Variants in SOCS7 observed in about 807,000 individuals in gnomAD.
SOCS7 encodes NAP-4.
SOCS7 carries 18 observed loss-of-function variants against 58.9 expected under a neutral mutation model. The ratio of observed to expected loss-of-function variants is 0.31; its 90% CI spans 0.21 to 0.45. The LOEUF (loss-of-function observed/expected upper bound fraction) is 0.45. Among genes scored for constraint, SOCS7 ranks in the 20% least tolerant of loss-of-function variants. SOCS7 has a pLI of 1.00. For missense variants in SOCS7, 667 were observed against 837.3 expected (o/e 0.80, Z 2.51); for synonymous variants, 388 against 364.3 (o/e 1.06, Z -0.74).
intron 7 of SOCS7, among the ~76,000 whole-genome samples, chr17:38,378,642 G>A (rs2037962013): frequency 6.6e-6 from 1 of 152,134 alleles, no homozygotes; most frequent in South Asian, 2.1e-4. Flanking sequence ...TTTGTATCTT[G>A]CCATCCCTAC....
chr17:38,364,602 G>A (rs1597688401), intron 2 of SOCS7, 150 bp from the exon 3 acceptor site: 1 of 627,206 alleles, frequency 1.6e-6, no homozygotes, highest in East Asian at 2.7e-5. Context: ...CTGGTGTTGG[G>A]GTGATTTCAG....
At chr17:38,379,734 T>C (rs968495457) in intron 7 of SOCS7, among the ~76,000 whole-genome samples, 1 of 152,196 alleles carries the variant, frequency 6.6e-6, no homozygotes, top group African/African-American at 2.4e-5. Flanking sequence ...GCCTCAGTGC[T>C]GTCAACACAG....
At chr17:38,376,560 T>C (rs995024009) in intron 6 of SOCS7, among the ~76,000 whole-genome samples, 3 of 151,928 alleles carry the variant, frequency 2.0e-5, no homozygotes, top group Non-Finnish European at 2.9e-5. Flanking sequence ...GGTGAAACCC[T>C]GTCTCTACTA....
chr17:38,377,952 T>C (rs917037859), intron 7 of SOCS7, 110 bp downstream of exon 7: 1 of 1,009,278 alleles, frequency 9.9e-7, no homozygotes, highest in African/African-American at 1.6e-5. Context: ...TTTCCCTGGC[T>C]GTTGGAGCCA....
In SOCS7 at chr17:38,404,958, C is replaced by G. The variant is rs1376551946; in HGVS notation, c.*5476C>G. ...TAAGAAACTCGATGAAGAGGGGTGT[C>G]ATTCTGGGCTCGGGGTGGTTGCCAA... On this transcript the variant is annotated 3_prime_UTR_variant, in exon 10 of 10. Coordinates refer to ENST00000612932, the MANE Select transcript of SOCS7 (RefSeq NM_014598.4). 2 of 152,128 alleles carry G rather than the reference C, an allele frequency of 1.3e-5. No individual in the cohort carries two copies. Among genetic ancestry groups the G allele is most frequent in the Non-Finnish European group, 2.9e-5 (2 of 68,030 alleles). The allele number at this position is 152,128 out of a possible 1,614,324, so 9.4% of individuals were successfully genotyped here.
intron 1 of SOCS7, among the ~76,000 whole-genome samples, chr17:38,355,168 A>G (rs1330183178): frequency 1.3e-5 from 2 of 152,216 alleles, no homozygotes; most frequent in Non-Finnish European, 2.9e-5. Context: ...GTGAAAGTCT[A>G]GATTCCGTGT....
chr17:38,370,622 T>C (rs932830493), intron 6 of SOCS7, among the ~76,000 whole-genome samples: 10 of 151,824 alleles, frequency 6.6e-5, no homozygotes, highest in Non-Finnish European at 1.0e-4. Flanking sequence ...ATTATAGATA[T>C]AAGCCACTGT....
intron 7 of SOCS7, among the ~76,000 whole-genome samples, chr17:38,392,654 G>A (rs2038186527): frequency 6.6e-6 from 1 of 152,166 alleles, no homozygotes; most frequent in South Asian, 2.1e-4. Context: ...GAGAAGTAGG[G>A]CTTCAAAATA....
intron 2 of SOCS7, among the ~76,000 whole-genome samples, chr17:38,364,168 T>C (rs1186939689): frequency 6.6e-6 from 1 of 152,232 alleles, no homozygotes; most frequent in Non-Finnish European, 1.5e-5. Flanking sequence ...ACTTTCAGCC[T>C]TTGTAGCCTC....
chr17:38,376,392 C>T (rs2037931038), intron 6 of SOCS7, among the ~76,000 whole-genome samples: 1 of 152,116 alleles, frequency 6.6e-6, no homozygotes, highest in Non-Finnish European at 1.5e-5. Flanking sequence ...GTGCAAACTC[C>T]ACACAGACAG....
At chr17:38,393,725 C>T (rs999887996) in intron 7 of SOCS7, among the ~76,000 whole-genome samples, 3 of 151,246 alleles carry the variant, frequency 2.0e-5, no homozygotes, top group African/African-American at 7.3e-5. Flanking sequence ...ACAGTGAAAC[C>T]CCGTCCCTAC....
At chr17:38,396,105 G>GGGGCT in intron 9 of SOCS7, 107 bp downstream of exon 9, 4 of 894,616 alleles carry the variant, frequency 4.5e-6, no homozygotes, top group Non-Finnish European at 4.8e-6. Flanking sequence ...GGATAGCCCC[G>GGGGCT]ATCCAGGCAT....
chr17:38,384,225 A>G (rs2038038533), intron 7 of SOCS7, among the ~76,000 whole-genome samples: 1 of 152,178 alleles, frequency 6.6e-6, no homozygotes, highest in South Asian at 2.1e-4. Flanking sequence ...CCATCAGCCC[A>G]TGGCCACTCC....
intron 2 of SOCS7, among the ~76,000 whole-genome samples, chr17:38,363,853 A>C (rs587673743): frequency 6.6e-6 from 1 of 152,312 alleles, no homozygotes; most frequent in South Asian, 2.1e-4. Flanking sequence ...TAAGGGCTAA[A>C]TTAGAGAAAT....
intron 7 of SOCS7, among the ~76,000 whole-genome samples, chr17:38,385,174 G>T (rs1222203638): frequency 6.6e-6 from 1 of 152,032 alleles, no homozygotes; most frequent in Non-Finnish European, 1.5e-5. Flanking sequence ...GGGATTACAG[G>T]TGTGAGCCAC....
chr17:38,364,659 A>T, intron 2 of SOCS7, 93 bp from the exon 3 acceptor site: 1 of 992,692 alleles, frequency 1.0e-6, no homozygotes, highest in Non-Finnish European at 1.6e-6. Flanking sequence ...GCAGACCCCC[A>T]GCCTCGCCTG....
chr17:38,357,815 C>T (rs2037660276), intron 1 of SOCS7, among the ~76,000 whole-genome samples: 1 of 152,192 alleles, frequency 6.6e-6, no homozygotes, highest in Non-Finnish European at 1.5e-5. Context: ...CTTAGGGCAT[C>T]AGTACAGGAG....
rs761171384 is a variant in SOCS7 at position 38,395,392 on chromosome 17, C to T, written c.1765C>T (p.Arg589Trp). ...VKSLQHLCRF[R>W]IRQLVRIDHI... ...ATCCCTCCAGCACCTTTGCAGATTC[C>T]GGATACGACAGCTCGTCAGGATAGA... Residue 589 changes from arginine to tryptophan, a missense_variant, in exon 8 of 10, where the codon CGG becomes TGG. By Grantham distance (101) the Arg-to-Trp change is moderately radical (BLOSUM62 -3). Transcript: ENST00000612932. 1.9e-6 allele frequency: 3 copies of T among 1,614,136 alleles called. No individual in the cohort carries two copies. Among genetic ancestry groups the T allele is most frequent in the Non-Finnish European group, 2.5e-6 (3 of 1,179,986 alleles).
At position 38,376,934 on chromosome 17, in the gene SOCS7, T is replaced by G. The variant is rs536392967; in HGVS notation, c.1553-780T>G. 2.0e-5 allele frequency among the ~76,000 whole-genome samples: 3 copies of G among 152,204 alleles called. No homozygotes were observed. The East Asian group carries it at 5.8e-4, about 29-fold the overall frequency. On this transcript the variant is annotated intron_variant, in intron 6 of 9. Transcript: ENST00000612932. ...TAAATGTGTTTAGGTACATGAATAC[T>G]TACCATTCTTTAGAGTTGCCTCCAG...
Sources: gnomAD v4.1 joint callset for allele counts (sites outside exome capture counted in the v4.1 genomes callset) on GRCh38, gnomAD v4.1.1 for gene constraint, MANE v1.5 for transcripts, NCBI Gene and HGNC (gene_info 2026-07-23, HGNC 2026-07-21) for gene names.